The following TFB1M variants were observed in gnomAD, a reference collection of about 807,000 sequenced individuals.
The protein encoded by TFB1M is transcription factor B1, mitochondrial.
Under a neutral mutation model 31.1 loss-of-function variants are expected in TFB1M, and 27 were observed. The observed-to-expected ratio is 0.87, with a 90% CI of 0.64 to 1.20. The LOEUF (loss-of-function observed/expected upper bound fraction) is 1.20, where lower values mean the gene tolerates loss of function less well. Ranked by LOEUF, TFB1M falls within the 50% of genes most tolerant of loss-of-function variation. The probability of loss-of-function intolerance (pLI) is 0.00; values close to 1 mark genes in which losing one functional copy is unlikely to be tolerated. For missense variants in TFB1M, 394 were observed against 418.7 expected, an observed-to-expected ratio of 0.94 and a Z score of 0.51; for synonymous variants, 166 against 151.8, an observed-to-expected ratio of 1.09 and a Z score of -0.69.
chr6:155,253,730 G>C, downstream of TFB1M: 1 of 416,700 alleles, frequency 2.4e-6, no homozygotes. Context: ...AGGGGCTCCA[G>C]AGAGAGGGTG....
downstream of TFB1M, among the ~76,000 whole-genome samples, chr6:155,252,721 G>A (rs1466498143): frequency 1.3e-5 from 2 of 152,196 alleles, no homozygotes; most frequent in Non-Finnish European, 2.9e-5. Flanking sequence ...TTCTTGCTTT[G>A]AGACCTGTAA....
intron 4 of TFB1M, among the ~76,000 whole-genome samples, chr6:155,294,999 C>T (rs1441202160): frequency 2.6e-5 from 4 of 152,150 alleles, no homozygotes; most frequent in Non-Finnish European, 5.9e-5. Context: ...GTCAGTGAAT[C>T]CTACAAAGAA....
chr6:155,275,661 G>A, intron 5 of TFB1M: 2 of 1,481,600 alleles, frequency 1.3e-6, no homozygotes, highest in Non-Finnish European at 1.8e-6. Context: ...ATAGAATTCT[G>A]ACAGCCATCA....
At chr6:155,237,481 G>A in the TFB1M span, among the ~76,000 whole-genome samples, 1 of 152,240 alleles carries the variant, frequency 6.6e-6, no homozygotes, top group Admixed American at 6.5e-5. Flanking sequence ...GCCCCAGTAG[G>A]GACTCTGTGT....
intron 5 of TFB1M, among the ~76,000 whole-genome samples, chr6:155,281,851 G>A (rs959648559): frequency 6.7e-6 from 1 of 149,592 alleles, no homozygotes; most frequent in African/African-American, 2.5e-5. Context: ...TGAGGATCTA[G>A]CTAATAGCTC....
At position 155,256,748 on chromosome 6, in the gene TFB1M, C is replaced by G. The variant is rs1488963867; in HGVS notation, c.*1088G>C. Reference sequence around the variant, plus strand: ...GATGAAGATGATGACCACCGTCAGACTGTGAAGCAGGGCAGCCCTACTAAA... The same window carrying G: ...GATGAAGATGATGACCACCGTCAGAGTGTGAAGCAGGGCAGCCCTACTAAA... On this transcript the variant is annotated 3_prime_UTR_variant, in exon 7 of 7. Transcript: ENST00000367166. 1.9e-6 allele frequency: 3 copies of G among 1,614,238 alleles called. No homozygotes were observed. The highest frequency in any genetic ancestry group is 1.7e-6 in the Non-Finnish European group (2 of 1,180,048).
intron 6 of TFB1M, among the ~76,000 whole-genome samples, 168 bp from the exon 7 acceptor site, chr6:155,258,250 G>A (rs917866627): frequency 7.2e-5 from 11 of 152,192 alleles, no homozygotes; most frequent in East Asian, 1.9e-4. Context: ...TAAGAGGCAC[G>A]GCCCGCCACT....
At chr6:155,248,628 C>T in the TFB1M span, among the ~76,000 whole-genome samples, 2 of 151,802 alleles carry the variant, frequency 1.3e-5, no homozygotes, top group African/African-American at 2.4e-5. Flanking sequence ...GAGCAGAGCT[C>T]GGCTTCAAAA....
At chr6:155,272,944 A>T (rs1316604187) in intron 5 of TFB1M, among the ~76,000 whole-genome samples, 1 of 152,220 alleles carries the variant, frequency 6.6e-6, no homozygotes, top group Non-Finnish European at 1.5e-5. Flanking sequence ...CTGAACATAG[A>T]TTGACAACAA....
In TFB1M at chr6:155,257,111, G is replaced by T. The variant is rs921061743; in HGVS notation, c.*725C>A. The T allele has an allele frequency of 2.6e-6, 4 of 1,556,988 alleles. No individual in the cohort carries two copies. The African/African-American group carries it at 4.2e-5, about 17-fold the overall frequency. On this transcript the variant is annotated 3_prime_UTR_variant, in exon 7 of 7. Transcript: ENST00000367166. ...TGTTTTTATGAAACAGAGAGCCACG[G>T]AAAATCATAGTATGATTCAATCCAG...
chr6:155,305,259 AAATTATATATTTATAT>A (rs1777640496), intron 2 of TFB1M, among the ~76,000 whole-genome samples: 1 of 35,028 alleles, frequency 2.9e-5, no homozygotes, highest in African/African-American at 1.2e-4. Context: ...TATATATATT[AAATTATATATTTATAT>A]ATATATATTA....
chr6:155,259,373 A>G (rs1450101179), intron 6 of TFB1M, among the ~76,000 whole-genome samples: 2 of 152,264 alleles, frequency 1.3e-5, no homozygotes, highest in African/African-American at 4.8e-5. Context: ...AGAGGCAACA[A>G]GTGGCAGGCT....
downstream of TFB1M, chr6:155,253,721 G>A (rs1455301911): frequency 2.6e-6 from 1 of 386,664 alleles, no homozygotes. Flanking sequence ...TCCCCAGAGA[G>A]GGGCTCCAGA....
the TFB1M span, among the ~76,000 whole-genome samples, chr6:155,246,808 C>T: frequency 1.4e-3 from 210 of 152,352 alleles, no homozygotes; most frequent in African/African-American, 4.7e-3. Context: ...CTGGTAATCA[C>T]ATTCAAAATG....
intron 1 of TFB1M, chr6:155,313,265 AAAAAG>A (rs1432621039): frequency 6.6e-6 from 1 of 152,236 alleles, no homozygotes; most frequent in Non-Finnish European, 1.5e-5. Context: ...GAAAAAAAAA[AAAAAG>A]AGAAAACTTG....
At chr6:155,287,582 G>A (rs192902048) in intron 4 of TFB1M, among the ~76,000 whole-genome samples, 1 of 151,200 alleles carries the variant, frequency 6.6e-6, no homozygotes, top group Admixed American at 6.7e-5. Context: ...GTGTATGTGT[G>A]TGTGGTGTAT....
chr6:155,314,210 C>G (rs967769929), intron 1 of TFB1M, 86 bp downstream of exon 1: 1 of 1,576,184 alleles, frequency 6.3e-7, no homozygotes, highest in Non-Finnish European at 8.6e-7. Context: ...GCCTGGACAC[C>G]CGCCCGCGGG....
chr6:155,275,362 T>C (rs1201019596), intron 5 of TFB1M, among the ~76,000 whole-genome samples: 1 of 152,226 alleles, frequency 6.6e-6, no homozygotes, highest in Admixed American at 6.5e-5. Context: ...AGTTTCAGCA[T>C]ATGTTGAGTT....
At chr6:155,251,447 C>T (rs574586681), downstream of TFB1M, among the ~76,000 whole-genome samples, 375 of 152,106 alleles carry the variant, frequency 2.5e-3, 1 homozygote, top group African/African-American at 8.6e-3. Flanking sequence ...CCACCACGCC[C>T]GGCTGATTTT....
Sources: gnomAD v4.1 joint callset for allele counts (sites outside exome capture counted in the v4.1 genomes callset) on GRCh38, gnomAD v4.1.1 for gene constraint, MANE v1.5 for transcripts, NCBI Gene and HGNC (gene_info 2026-07-23, HGNC 2026-07-21) for gene names.